The following ASCC3 variants were observed in gnomAD, a reference collection of about 807,000 sequenced individuals.
ASCC3 encodes ASC-1 complex subunit P200.
A neutral mutation model predicts 256.3 loss-of-function variants in ASCC3; 158 were observed. The observed-to-expected ratio is 0.62, with a 90% confidence interval of 0.54 to 0.70. The LOEUF is 0.70. Among genes scored for constraint, ASCC3 ranks in the 30% least tolerant of loss-of-function variants. The probability of loss-of-function intolerance (pLI) is 0.00; values close to 1 mark genes in which losing one functional copy is unlikely to be tolerated. For synonymous variants in ASCC3, 948 were observed against 883.4 expected (o/e 1.07, Z -1.30); for missense variants, 2,259 against 2,626.0 (o/e 0.86, Z 3.05).
chr6:100,676,293 T>G (rs559036560), intron 14 of ASCC3, among the ~76,000 whole-genome samples: 1 of 152,338 alleles, frequency 6.6e-6, no homozygotes, highest in Admixed American at 6.5e-5. Flanking sequence ...CTGTTTCTCA[T>G]AGTAAATAAC....
chr6:100,633,877 C>A (rs1401769806), intron 25 of ASCC3, among the ~76,000 whole-genome samples: 49 of 139,950 alleles, frequency 3.5e-4, no homozygotes, highest in Middle Eastern at 3.7e-3. Flanking sequence ...AACTCCGTCT[C>A]AAAAAAAAAA....
chr6:100,850,883 A>G (rs183328936), intron 3 of ASCC3, among the ~76,000 whole-genome samples: 1 of 152,278 alleles, frequency 6.6e-6, no homozygotes, highest in East Asian at 1.9e-4. Context: ...GGATTATGGT[A>G]CTTCTACAGA....
At chr6:100,733,627 G>A (rs6570931) in intron 10 of ASCC3, among the ~76,000 whole-genome samples, 3,100 of 152,112 alleles carry the variant, frequency 0.02, 104 homozygotes, top group African/African-American at 0.072. Flanking sequence ...CCCTGTCTAA[G>A]GTATTCTGTT....
chr6:100,664,675 T>C (rs1036868049), intron 14 of ASCC3, among the ~76,000 whole-genome samples: 3 of 152,168 alleles, frequency 2.0e-5, no homozygotes, highest in African/African-American at 7.2e-5. Flanking sequence ...TTGCCTCAGC[T>C]TTCATCTTTT....
At chr6:100,689,495 G>A (rs1777734834) in intron 13 of ASCC3, among the ~76,000 whole-genome samples, 1 of 152,070 alleles carries the variant, frequency 6.6e-6, no homozygotes, top group African/African-American at 2.4e-5. Context: ...GCTGCCTGAG[G>A]GCAGAGCTTA....
chr6:100,516,252 A>G lies in ASCC3; in HGVS notation c.6003T>C (p.His2001=). The G allele has an allele frequency of 6.2e-7, 1 of 1,613,762 alleles. No individual in the cohort carries two copies. Among genetic ancestry groups the G allele is most frequent in the East Asian group, 2.2e-5 (1 of 44,860 alleles). Residue 2001 remains histidine, a synonymous_variant, in exon 39 of 42, where the codon CAT becomes CAC. Coordinates refer to ENST00000369162, the MANE Select transcript of ASCC3 (RefSeq NM_006828.4). ...ATACATGGTCTTTCCCTCCACAGGCATGGATCAGTTCAGGAAGGGACTCGA... is the reference window on the plus strand; with the variant it reads ...ATACATGGTCTTTCCCTCCACAGGCGTGGATCAGTTCAGGAAGGGACTCGA... ...TSIESLPELI[H]ACGGKDHVFS...
chr6:100,717,560 A>C lies in ASCC3; in HGVS notation c.2079+515T>G, dbSNP rs74916348. Among the ~76,000 whole-genome samples the C allele has an allele frequency of 0.013, 1,940 of 152,074 alleles. 97 individuals carry two copies. The East Asian group carries it at 0.15, about 11-fold the overall frequency. ...AAATTAGATAAACTTTTTAAAGCATAGAATTTTAGAAATGCCATTTATATA... is the reference window on the plus strand; with the variant it reads ...AAATTAGATAAACTTTTTAAAGCATCGAATTTTAGAAATGCCATTTATATA... On this transcript the variant is annotated intron_variant, in intron 12 of 41. Coordinates refer to ENST00000369162, the MANE Select transcript of ASCC3 (RefSeq NM_006828.4).
In ASCC3 at chr6:100,601,946, A is replaced by T; in HGVS notation, c.5178-11T>A. 6.2e-7 allele frequency: 1 copy of T among 1,611,328 alleles called. No homozygotes were observed. ...AGCACTCCTAATAAACTATATAGTGAACAAGACATGGGAAGCATACAAGAG... is the reference window on the plus strand; with the variant it reads ...AGCACTCCTAATAAACTATATAGTGTACAAGACATGGGAAGCATACAAGAG... On this transcript the variant is annotated splice_polypyrimidine_tract_variant and intron_variant, in intron 33 of 41. Coordinates refer to ENST00000369162, the MANE Select transcript of ASCC3 (RefSeq NM_006828.4).
intron 36 of ASCC3, among the ~76,000 whole-genome samples, chr6:100,566,244 CT>C (rs1770242129): frequency 6.6e-6 from 1 of 152,082 alleles, no homozygotes; most frequent in Admixed American, 6.6e-5. Context: ...CACAGTAAAC[CT>C]GTGAAGATGA....
chr6:100,870,253 C>T (rs968415663), intron 1 of ASCC3, among the ~76,000 whole-genome samples: 3 of 150,764 alleles, frequency 2.0e-5, no homozygotes, highest in Non-Finnish European at 4.4e-5. Context: ...TTTTCTCATG[C>T]GTCAGGAGGC....
At chr6:100,636,647 G>T (rs929886272) in intron 25 of ASCC3, among the ~76,000 whole-genome samples, 1 of 152,168 alleles carries the variant, frequency 6.6e-6, no homozygotes, top group African/African-American at 2.4e-5. Flanking sequence ...TAATACCAAG[G>T]AGTTAGCCAA....
intron 33 of ASCC3, among the ~76,000 whole-genome samples, chr6:100,603,695 A>C (rs1431922252): frequency 6.6e-6 from 1 of 152,048 alleles, no homozygotes; most frequent in Non-Finnish European, 1.5e-5. Context: ...CATCTATGAA[A>C]TGATTATATG....
chr6:100,687,280 G>A (rs1044358076), intron 13 of ASCC3, among the ~76,000 whole-genome samples: 5 of 152,028 alleles, frequency 3.3e-5, no homozygotes, highest in African/African-American at 7.2e-5. Flanking sequence ...GGGGGATGGG[G>A]GAAACAGAAT....
chr6:100,731,790 A>C (rs1779915044), intron 10 of ASCC3, among the ~76,000 whole-genome samples: 1 of 152,224 alleles, frequency 6.6e-6, no homozygotes, highest in Non-Finnish European at 1.5e-5. Context: ...AACATTTGAC[A>C]GTCACTACCT....
At chr6:100,756,401 G>A (rs1015333078) in intron 10 of ASCC3, among the ~76,000 whole-genome samples, 17 of 151,726 alleles carry the variant, frequency 1.1e-4, no homozygotes, top group African/African-American at 3.9e-4. Flanking sequence ...TTGCAAGTGC[G>A]AGACTTATGA....
chr6:100,615,932 TG>T (rs1162344049), intron 30 of ASCC3, among the ~76,000 whole-genome samples: 1 of 152,194 alleles, frequency 6.6e-6, no homozygotes, highest in African/African-American at 2.4e-5. Flanking sequence ...AGAAAGCACT[TG>T]GGGTGGGAAT....
At chr6:100,551,530 TAAA>T (rs1769299083) in intron 36 of ASCC3, among the ~76,000 whole-genome samples, 2 of 151,954 alleles carry the variant, frequency 1.3e-5, no homozygotes, top group Non-Finnish European at 2.9e-5. Flanking sequence ...AACATACTCT[TAAA>T]AAGGCTTAAT....
Position 100,797,478 on chromosome 6 carries a change from G to GAA in ASCC3, c.1395+1233_1395+1234dup, listed in dbSNP as rs754867943. Among the ~76,000 whole-genome samples, 174 of 113,358 alleles carry GAA rather than the reference G, an allele frequency of 1.5e-3. 1 individual carries two copies. Among genetic ancestry groups the GAA allele is most frequent in the South Asian group, 8.9e-3 (34 of 3,806 alleles). 74.4% of individuals were successfully genotyped at this position (113,358 alleles called of 152,430 possible). Reference sequence around the variant, plus strand: ...TCGTTCTCAAAAAAAAAAAAAAAATGAAAAAAAAAAAAAACTTAAAATTAA... The same window carrying GAA: ...TCGTTCTCAAAAAAAAAAAAAAAATGAAAAAAAAAAAAAAAACTTAAAATTAA... On this transcript the variant is annotated intron_variant, in intron 8 of 41. Coordinates refer to ENST00000369162, the MANE Select transcript of ASCC3 (RefSeq NM_006828.4).
At position 100,650,640 on chromosome 6, in the gene ASCC3, T is replaced by G; in HGVS notation, c.3150A>C (p.Val1050=). Residue 1050 remains valine, a synonymous_variant, in exon 20 of 42, where the codon GTA becomes GTC. Transcript: ENST00000369162. ...TGTTTATTTTCCCATAACTATTCTCTACACCTCCAGGAGTGGAGAGTTCAC... is the reference window on the plus strand; with the variant it reads ...TGTTTATTTTCCCATAACTATTCTCGACACCTCCAGGAGTGGAGAGTTCAC... The part of the protein sequence containing the change: ...NFCELSTPGG[V]ENSYGKINIL... The G allele has an allele frequency of 6.2e-7, 1 of 1,612,132 alleles. No individual in the cohort carries two copies. Among genetic ancestry groups the G allele is most frequent in the Non-Finnish European group, 8.5e-7 (1 of 1,178,476 alleles).
Sources: gnomAD v4.1 joint callset for allele counts (sites outside exome capture counted in the v4.1 genomes callset) on GRCh38, gnomAD v4.1.1 for gene constraint, MANE v1.5 for transcripts, NCBI Gene and HGNC (gene_info 2026-07-23, HGNC 2026-07-21) for gene names.